IGBP1: variants seen among roughly 807,000 people sequenced by gnomAD.
IGBP1 encodes immunoglobulin-binding protein 1.
IGBP1 carries 2 observed loss-of-function variants against 25.9 expected under a neutral mutation model. That is an observed-to-expected ratio of 0.08 (90% CI 0.03 to 0.24). The LOEUF (loss-of-function observed/expected upper bound fraction) is 0.24. Among genes scored for constraint, IGBP1 ranks in the 10% least tolerant of loss-of-function variants. The pLI is 1.00. For missense variants in IGBP1, 187 were observed against 260.4 expected (o/e 0.72, Z 1.94); for synonymous variants, 96 against 93.4 (o/e 1.03, Z -0.16).
chrX:70,135,368 CTG>C (rs1468729607), intron 3 of IGBP1, among the ~76,000 whole-genome samples: 3 of 111,723 alleles, frequency 2.7e-5, no homozygotes, highest in African/African-American at 6.5e-5. Context: ...GGGATACAAA[CTG>C]TATAGGTATT....
chrX:70,165,421 C>T (rs931333655), intron 6 of IGBP1, among the ~76,000 whole-genome samples: 1 of 110,922 alleles, frequency 9.0e-6, no homozygotes, highest in African/African-American at 3.3e-5. Flanking sequence ...TCCCACCCCC[C>T]TGGCAACTCA....
intron 6 of IGBP1, 123 bp from the exon 7 acceptor site, chrX:70,165,710 G>A: frequency 1.6e-6 from 1 of 615,623 alleles, no homozygotes; most frequent in Non-Finnish European, 2.7e-6. Flanking sequence ...CTCAGGGTAG[G>A]CAGCTGGCTG....
chrX:70,148,545 TTCTC>T (rs1476705467), intron 4 of IGBP1: 3 of 400,740 alleles, frequency 7.5e-6, no homozygotes, highest in East Asian at 4.3e-5. Flanking sequence ...TGGGAGAACT[TTCTC>T]TTTCTTTCTT....
intron 6 of IGBP1, among the ~76,000 whole-genome samples, chrX:70,157,534 T>TAA (rs1370391847): frequency 1.8e-5 from 2 of 112,179 alleles, no homozygotes; most frequent in Non-Finnish European, 3.8e-5. Flanking sequence ...TGCCCATAAA[T>TAA]AATAGAATGA....
At chrX:70,147,195 A>G (rs1339070920) in intron 4 of IGBP1, among the ~76,000 whole-genome samples, 4 of 111,537 alleles carry the variant, frequency 3.6e-5, no homozygotes, top group Non-Finnish European at 5.6e-5. Flanking sequence ...GCACTTTGGA[A>G]TGCCGAGGCG....
intron 6 of IGBP1, among the ~76,000 whole-genome samples, chrX:70,156,224 C>T (rs2085239190): frequency 1.9e-5 from 2 of 106,532 alleles, no homozygotes; most frequent in African/African-American, 6.9e-5. Flanking sequence ...TGAGCAAATG[C>T]TCTTAGAAAA....
chrX:70,143,846 C>T (rs1360948454), intron 3 of IGBP1, among the ~76,000 whole-genome samples: 1 of 112,335 alleles, frequency 8.9e-6, no homozygotes, highest in Non-Finnish European at 1.9e-5. Flanking sequence ...TTTACTAAAA[C>T]AGTTTTAAAA....
At chrX:70,157,709 G>C (rs896698186) in intron 6 of IGBP1, among the ~76,000 whole-genome samples, 1 of 111,947 alleles carries the variant, frequency 8.9e-6, no homozygotes, top group African/African-American at 3.2e-5. Flanking sequence ...CAACAAACAG[G>C]TGATACTTGT....
At chrX:70,147,605 C>T (rs1025135054) in intron 4 of IGBP1, among the ~76,000 whole-genome samples, 3 of 111,876 alleles carry the variant, frequency 2.7e-5, no homozygotes, top group African/African-American at 9.8e-5. Flanking sequence ...TGCACTGTCA[C>T]ACCTTTAGAT....
At chrX:70,142,886 G>T (rs2085139517) in intron 3 of IGBP1, among the ~76,000 whole-genome samples, 2 of 103,868 alleles carry the variant, frequency 1.9e-5, no homozygotes, top group South Asian at 8.9e-4. Flanking sequence ...AAAGACAACA[G>T]TAAAAGAGGA....
intron 6 of IGBP1, among the ~76,000 whole-genome samples, chrX:70,152,936 CT>C (rs948108349): frequency 8.9e-6 from 1 of 111,910 alleles, no homozygotes; most frequent in African/African-American, 3.2e-5. Flanking sequence ...GAAATGATGA[CT>C]AAAGATTTCC....
At chrX:70,150,581 T>G (rs989851188) in intron 6 of IGBP1, among the ~76,000 whole-genome samples, 1 of 112,047 alleles carries the variant, frequency 8.9e-6, no homozygotes, top group Non-Finnish European at 1.9e-5. Context: ...GAAAACTCAA[T>G]CTATGGATAG....
Position 70,133,893 on chromosome X carries a change from T to A in IGBP1, c.-55T>A, listed in dbSNP as rs1057457133. On this transcript the variant is annotated 5_prime_UTR_variant, in exon 2 of 7. Transcript: ENST00000356413. ...TCCGCGCTCGCCTAATTCTTCTTTATCAAGGTTGCCTTTGACCCCGGAAAA... is the reference window on the plus strand; with the variant it reads ...TCCGCGCTCGCCTAATTCTTCTTTAACAAGGTTGCCTTTGACCCCGGAAAA... 5.5e-5 allele frequency: 61 copies of A among 1,100,701 alleles called. No homozygotes were observed. Among genetic ancestry groups the A allele is most frequent in the Middle Eastern group, 2.4e-4 (1 of 4,145 alleles). The allele number at this position is 1,100,701 out of a possible 1,213,427, so 90.7% of individuals were successfully genotyped here.
intron 6 of IGBP1, among the ~76,000 whole-genome samples, chrX:70,163,598 G>C (rs746537691): frequency 1.1e-4 from 12 of 111,399 alleles, no homozygotes. Context: ...AATGGGTCTC[G>C]GCATTGAGCA....
At chrX:70,153,068 G>A (rs1275192577) in intron 6 of IGBP1, among the ~76,000 whole-genome samples, 1 of 112,004 alleles carries the variant, frequency 8.9e-6, no homozygotes, top group Non-Finnish European at 1.9e-5. Context: ...ATCATCCAAA[G>A]ATAAAGTACA....
chrX:70,161,594 C>T (rs766272231), intron 6 of IGBP1, among the ~76,000 whole-genome samples: 10 of 111,776 alleles, frequency 8.9e-5, no homozygotes, highest in Non-Finnish European at 1.9e-4. Context: ...CCCAACCTAC[C>T]CAACATCACA....
In IGBP1 at chrX:70,150,277, A is replaced by G; in HGVS notation, c.826A>G (p.Lys276Glu). 8.3e-7 allele frequency: 1 copy of G among 1,204,930 alleles called. No individual in the cohort carries two copies. Among genetic ancestry groups the G allele is most frequent in the Non-Finnish European group, 1.1e-6 (1 of 889,565 alleles). The change falls in exon 6 of 7, where the codon AAA (lysine) becomes GAA (glutamate). Residue 276 changes from lysine (K) to glutamate (E), a missense_variant. By Grantham distance (56) the Lys-to-Glu change is moderately conservative. Coordinates refer to ENST00000356413, the MANE Select transcript of IGBP1 (RefSeq NM_001551.3). ...TVSDWYEQHR[K>E]YGALPDQGIA... ...GAGTGACTGGTATGAGCAACATCGG[A>G]AATATGGAGCATTACCGGATCAGGG...
chrX:70,149,216 G>A (rs1454548605), intron 5 of IGBP1, among the ~76,000 whole-genome samples: 63 of 87,313 alleles, frequency 7.2e-4, no homozygotes, highest in Admixed American at 2.9e-4. Flanking sequence ...CAACAAGAGC[G>A]AGACTCCGTC....
At chrX:70,140,031 C>CT (rs1302662077) in intron 3 of IGBP1, among the ~76,000 whole-genome samples, 8 of 112,607 alleles carry the variant, frequency 7.1e-5, no homozygotes, top group Admixed American at 4.7e-4. Flanking sequence ...TCCTCTAGGT[C>CT]TCAGCTTAAA....
Sources: gnomAD v4.1 joint callset for allele counts (sites outside exome capture counted in the v4.1 genomes callset) on GRCh38, gnomAD v4.1.1 for gene constraint, MANE v1.5 for transcripts, NCBI Gene and HGNC (gene_info 2026-07-23, HGNC 2026-07-21) for gene names.